The following NUDT3 variants were observed in gnomAD, a reference collection of about 807,000 sequenced individuals.
NUDT3 encodes diphosphoinositol polyphosphate phosphohydrolase 1.
NUDT3 carries 9 observed loss-of-function variants against 23.6 expected under a neutral mutation model. The ratio of observed to expected loss-of-function variants is 0.38; its 90% confidence interval spans 0.23 to 0.66. The LOEUF is 0.66. Among genes scored for constraint, NUDT3 ranks in the 30% least tolerant of loss-of-function variants. The pLI is 0.52. For synonymous variants in NUDT3, 86 were observed against 82.6 expected (o/e 1.04, Z -0.22); for missense variants, 172 against 218.5 (o/e 0.79, Z 1.34).
rs978147808 is a variant in NUDT3 at position 34,281,658 on chromosome 6, A to G, written c.*7095T>C. The G allele has an allele frequency of 6.6e-5, 10 of 152,238 alleles. No individual in the cohort carries two copies. The highest frequency in any genetic ancestry group is 8.8e-5 in the Non-Finnish European group (6 of 68,050). 9.4% of individuals were successfully genotyped at this position (152,238 alleles called of 1,614,324 possible). On this transcript the variant is annotated 3_prime_UTR_variant, in exon 5 of 5. Coordinates refer to ENST00000607016, the MANE Select transcript of NUDT3 (RefSeq NM_006703.4). ...CTTTTCTAACTACTAATGCAACACCATGCCACTGGGCCCTGGACTCTGATG... is the reference window on the plus strand; with the variant it reads ...CTTTTCTAACTACTAATGCAACACCGTGCCACTGGGCCCTGGACTCTGATG...
Position 34,280,702 on chromosome 6 carries a change from A to T in NUDT3, c.*8051T>A, listed in dbSNP as rs1287834724. The T allele has an allele frequency of 6.6e-6, 1 of 152,256 alleles. No individual in the cohort carries two copies. Among genetic ancestry groups the T allele is most frequent in the African/African-American group, 2.4e-5 (1 of 41,456 alleles). The allele number at this position is 152,256 out of a possible 1,614,324, so 9.4% of individuals were successfully genotyped here. A position where few individuals can be genotyped will look rare whatever the true frequency, so the allele number is the denominator to read the frequency against. On this transcript the variant is annotated 3_prime_UTR_variant, in exon 5 of 5. Coordinates refer to ENST00000607016, the MANE Select transcript of NUDT3 (RefSeq NM_006703.4). ...GCAACCCAAGAGATTAGGTGACCTA[A>T]TGATGAGAAGGCTAACTTATTTGCT...
At chr6:34,380,538 T>C (rs1335962313) in intron 1 of NUDT3, among the ~76,000 whole-genome samples, 2 of 152,104 alleles carry the variant, frequency 1.3e-5, no homozygotes, top group Non-Finnish European at 2.9e-5. Context: ...TTTTTAGTGG[T>C]ATATAGCATC....
At chr6:34,301,478 T>C (rs1345418240) in intron 2 of NUDT3, among the ~76,000 whole-genome samples, 7 of 152,238 alleles carry the variant, frequency 4.6e-5, no homozygotes, top group Non-Finnish European at 1.0e-4. Context: ...AGAGGCCTTG[T>C]AGTTTCCACT....
At chr6:34,333,544 G>T (rs1256678888) in intron 2 of NUDT3, among the ~76,000 whole-genome samples, 1 of 152,194 alleles carries the variant, frequency 6.6e-6, no homozygotes, top group Non-Finnish European at 1.5e-5. Context: ...AGATGTCCTG[G>T]ATTCAAATCT....
intron 1 of NUDT3, among the ~76,000 whole-genome samples, chr6:34,346,959 G>A (rs575484586): frequency 6.6e-6 from 1 of 152,094 alleles, no homozygotes; most frequent in South Asian, 2.1e-4. Flanking sequence ...TTAGAGATGG[G>A]GGTCTCACTA....
At chr6:34,352,086 A>G (rs79656696) in intron 1 of NUDT3, among the ~76,000 whole-genome samples, 12,628 of 152,262 alleles carry the variant, frequency 0.083, 696 homozygotes, top group Non-Finnish European at 0.12. Context: ...AATCCCAAAC[A>G]TTATTTCCTA....
In NUDT3 at chr6:34,392,353, G is replaced by A; in HGVS notation, c.10C>T (p.Leu4Phe). Residue 4 changes from leucine to phenylalanine, a missense_variant, in exon 1 of 5, where the codon CTC becomes TTC. Leu to Phe is a conservative substitution (Grantham distance 22). Transcript: ENST00000607016. ...TAGGTGCGGGTCTGGTTCGACTTGA[G>A]CTTCATCATCCTCCGGGCCCGGGTG... MMKLKSNQTRTYDG... is the reference protein window; with the variant it reads MMKFKSNQTRTYDG... 3 of 1,603,028 alleles carry A rather than the reference G, an allele frequency of 1.9e-6. No homozygotes were observed. The highest frequency in any genetic ancestry group is 2.6e-6 in the Non-Finnish European group (3 of 1,176,294).
At chr6:34,315,580 C>CA (rs1287849317) in intron 2 of NUDT3, among the ~76,000 whole-genome samples, 1 of 151,856 alleles carries the variant, frequency 6.6e-6, no homozygotes, top group Non-Finnish European at 1.5e-5. Flanking sequence ...AACCCTGTTT[C>CA]AAAAAAAGTT....
At chr6:34,361,161 C>T (rs75514778) in intron 1 of NUDT3, among the ~76,000 whole-genome samples, 2,456 of 152,200 alleles carry the variant, frequency 0.016, 68 homozygotes, top group African/African-American at 0.056. Context: ...AGTTCAGTTA[C>T]GGTGAGCTAT....
intron 1 of NUDT3, among the ~76,000 whole-genome samples, chr6:34,351,828 G>A (rs1764483801): frequency 6.6e-6 from 1 of 151,176 alleles, no homozygotes; most frequent in African/African-American, 2.4e-5. Flanking sequence ...GGTGTACAGA[G>A]ATTGCCTCTG....
At chr6:34,315,052 A>C (rs78206945) in intron 2 of NUDT3, among the ~76,000 whole-genome samples, 14,393 of 152,240 alleles carry the variant, frequency 0.095, 796 homozygotes, top group Non-Finnish European at 0.12. Flanking sequence ...AGATAAGTTT[A>C]TTTAAATGGA....
chr6:34,310,031 G>C (rs1381635450), intron 2 of NUDT3, among the ~76,000 whole-genome samples: 2 of 151,732 alleles, frequency 1.3e-5, no homozygotes, highest in Non-Finnish European at 2.9e-5. Flanking sequence ...CCAGAAGTTT[G>C]AGACAAGGAG....
intron 1 of NUDT3, among the ~76,000 whole-genome samples, chr6:34,391,781 ATAT>A (rs771679908): frequency 2.9e-4 from 42 of 143,806 alleles, no homozygotes; most frequent in Middle Eastern, 3.5e-3. Context: ...GCTCACAGAC[ATAT>A]AATCCCTCGG....
rs13196067 is a variant in NUDT3, at chr6:34,323,211, C to G, written c.210+18651G>C. The stretch of plus-strand genomic sequence containing the variant: ...GCAACATGCAATATACCCATGTGCA[C>G]ATGTATCCCCCAAATCTAAATTTTA... On this transcript the variant is annotated intron_variant, in intron 2 of 4. Transcript: ENST00000607016. Among the ~76,000 whole-genome samples, 62 of 151,254 alleles carry G rather than the reference C, an allele frequency of 4.1e-4. 1 individual carries two copies. The East Asian group carries it at 0.012, about 29-fold the overall frequency.
rs1018245235 is a variant in NUDT3, at chr6:34,280,343, GCAAA to G, written c.*8406_*8409del. 4.8e-4 allele frequency: 73 copies of G among 152,330 alleles called. No individual in the cohort carries two copies. The highest frequency in any genetic ancestry group is 1.7e-3 in the African/African-American group (70 of 41,564). The allele number at this position is 152,330 out of a possible 1,614,324, so 9.4% of individuals were successfully genotyped here. ...CCAAGCAAGGCTATTTTGGAAACAA[GCAAA>G]CAAACAAAAAATGGAAACCAACACC... On this transcript the variant is annotated 3_prime_UTR_variant, in exon 5 of 5. Transcript: ENST00000607016.
intron 2 of NUDT3, among the ~76,000 whole-genome samples, chr6:34,303,108 T>A (rs1763625023): frequency 6.6e-6 from 1 of 151,928 alleles, no homozygotes. Context: ...CACAGCTTAC[T>A]GCAGCCTTGA....
At chr6:34,341,002 T>G (rs1280442850) in intron 2 of NUDT3, among the ~76,000 whole-genome samples, 1 of 152,206 alleles carries the variant, frequency 6.6e-6, no homozygotes, top group East Asian at 1.9e-4. Context: ...TTGTTGTAAG[T>G]GCTTTTTTAT....
At chr6:34,309,532 G>A (rs533664836) in intron 2 of NUDT3, among the ~76,000 whole-genome samples, 1 of 151,892 alleles carries the variant, frequency 6.6e-6, no homozygotes, top group South Asian at 2.1e-4. Context: ...TTAAAAATTA[G>A]AACAGAAATC....
intron 2 of NUDT3, among the ~76,000 whole-genome samples, chr6:34,323,191 A>G (rs1763971936): frequency 6.6e-6 from 1 of 152,014 alleles, no homozygotes. Flanking sequence ...CCTCAGCAAC[A>G]TGCAATATAC....
Sources: allele counts gnomAD v4.1 joint callset (sites outside exome capture counted in the v4.1 genomes callset), GRCh38; gene constraint gnomAD v4.1.1; transcripts MANE v1.5; gene names NCBI Gene and HGNC (gene_info 2026-07-23, HGNC 2026-07-21).